The following FHOD3 variants were observed in gnomAD, a reference collection of about 807,000 sequenced individuals.
FHOD3 encodes the protein FH1/FH2 domain-containing protein 3.
In FHOD3, 90 loss-of-function variants were observed where a neutral mutation model predicts 173.0. The observed-to-expected ratio is 0.52, with a 90% CI of 0.44 to 0.62. FHOD3 has a LOEUF of 0.62. Among genes scored for constraint, FHOD3 ranks in the 20% least tolerant of loss-of-function variants. The pLI, the probability that FHOD3 is intolerant of heterozygous loss-of-function variation, is 0.00. For synonymous variants in FHOD3, 828 were observed against 823.0 expected (o/e 1.01, Z -0.10); for missense variants, 1,945 against 2,034.7 (o/e 0.96, Z 0.85).
intron 3 of FHOD3, among the ~76,000 whole-genome samples, chr18:36,428,264 T>C (rs2050355608): frequency 6.6e-6 from 1 of 152,214 alleles, no homozygotes; most frequent in Non-Finnish European, 1.5e-5. Flanking sequence ...AGGAATCATA[T>C]TTATACTCTC....
intron 18 of FHOD3, among the ~76,000 whole-genome samples, chr18:36,714,409 G>A (rs527282074): frequency 3.9e-5 from 6 of 152,176 alleles, no homozygotes; most frequent in South Asian, 2.1e-4. Context: ...ATGGTGGCTC[G>A]CGCCTGTAGT....
chr18:36,442,420 T>A lies in FHOD3; in HGVS notation c.338-59512T>A, dbSNP rs577475330. ...GTATTTTCTCTGAGACTTAAAAAAA[T>A]TATTAAAAATACTGGCCTTTAAGAT... On this transcript the variant is annotated intron_variant, in intron 3 of 28. Coordinates refer to ENST00000590592, the MANE Select transcript of FHOD3 (RefSeq NM_001281740.3). 2.0e-4 allele frequency among the ~76,000 whole-genome samples: 30 copies of A among 152,306 alleles called. No homozygotes were observed. In the South Asian group the frequency reaches 5.6e-3, roughly 28 times the overall value.
chr18:36,474,113 CT>C (rs2053429623), intron 3 of FHOD3, among the ~76,000 whole-genome samples: 1 of 152,130 alleles, frequency 6.6e-6, no homozygotes, highest in Non-Finnish European at 1.5e-5. Flanking sequence ...AACAACATTC[CT>C]TCTACTACTT....
At chr18:36,482,858 C>CACACACACAGAGAGAGAGAGAGAGAG (rs1400178557) in intron 3 of FHOD3, among the ~76,000 whole-genome samples, 1 of 130,374 alleles carries the variant, frequency 7.7e-6, no homozygotes, top group African/African-American at 3.1e-5. Flanking sequence ...CACACACACA[C>CACACACACAGAGAGAGAGAGAGAGAG]AGAGAGAGAG....
intron 2 of FHOD3, among the ~76,000 whole-genome samples, chr18:36,365,832 C>T (rs1193921585): frequency 2.6e-5 from 4 of 152,142 alleles, no homozygotes; most frequent in African/African-American, 2.4e-5. Flanking sequence ...AAAGTTCATT[C>T]CGTCTGCCTC....
chr18:36,347,784 TG>T (rs2045940723), intron 1 of FHOD3, among the ~76,000 whole-genome samples: 1 of 152,254 alleles, frequency 6.6e-6, no homozygotes. Context: ...TCATGTGAAT[TG>T]ATTTCATGTA....
rs1394320218 is a variant in FHOD3, at chr18:36,512,537, T to A, written c.505T>A (p.Leu169Ile). 6.2e-7 allele frequency: 1 copy of A among 1,612,782 alleles called. No homozygotes were observed. Among genetic ancestry groups the A allele is most frequent in the Non-Finnish European group, 8.5e-7 (1 of 1,179,046 alleles). ...EADQNYQNYILRALGQIMLYV... is the reference protein window; with the variant it reads ...EADQNYQNYIIRALGQIMLYV... ...TGATCAGAACTATCAGAACTACATC[T>A]TAAGGGGTAAGTCATGACTGGGCAT... is the stretch of plus-strand genomic sequence containing the variant. The change falls in exon 5 of 29, where the codon TTA (leucine) becomes ATA (isoleucine). Residue 169 changes from leucine to isoleucine, a missense_variant. Coordinates refer to ENST00000590592, the MANE Select transcript of FHOD3 (RefSeq NM_001281740.3).
intron 17 of FHOD3, among the ~76,000 whole-genome samples, chr18:36,707,942 G>A (rs1052062783): frequency 2.6e-5 from 4 of 152,150 alleles, no homozygotes; most frequent in African/African-American, 9.7e-5. Flanking sequence ...TCAGCCTGAG[G>A]GCAGTTCCCT....
chr18:36,434,515 A>C (rs560801158), intron 3 of FHOD3, among the ~76,000 whole-genome samples: 1 of 152,316 alleles, frequency 6.6e-6, no homozygotes, highest in Non-Finnish European at 1.5e-5. Context: ...TTCTTTGTCA[A>C]AATTATTTTG....
chr18:36,589,398 A>G (rs74867811), intron 6 of FHOD3, among the ~76,000 whole-genome samples: 1 of 152,312 alleles, frequency 6.6e-6, no homozygotes, highest in East Asian at 1.9e-4. Flanking sequence ...TCTCCAGCCC[A>G]AAGAAAGTGA....
chr18:36,459,385 C>A (rs2052418125), intron 3 of FHOD3, among the ~76,000 whole-genome samples: 1 of 152,204 alleles, frequency 6.6e-6, no homozygotes, highest in Non-Finnish European at 1.5e-5. Context: ...AGAGAGTGAT[C>A]AATCAAACCC....
At chr18:36,623,623 G>A (rs961697116) in intron 9 of FHOD3, among the ~76,000 whole-genome samples, 1 of 152,198 alleles carries the variant, frequency 6.6e-6, no homozygotes, top group Non-Finnish European at 1.5e-5. Flanking sequence ...TAAAGATAGA[G>A]CTTTTATCAA....
At chr18:36,752,411 G>A (rs984689551) in intron 24 of FHOD3, among the ~76,000 whole-genome samples, 6 of 152,194 alleles carry the variant, frequency 3.9e-5, no homozygotes, top group South Asian at 4.1e-4. Flanking sequence ...ACAGTGGCAG[G>A]CTTGAGTAAG....
At chr18:36,751,867 A>G (rs2042416073) in intron 24 of FHOD3, among the ~76,000 whole-genome samples, 1 of 152,208 alleles carries the variant, frequency 6.6e-6, no homozygotes, top group Non-Finnish European at 1.5e-5. Flanking sequence ...TGAAAGGCAC[A>G]GAGAGGGACT....
Position 36,500,494 on chromosome 18 carries a change from G to A in FHOD3, c.338-1438G>A, listed in dbSNP as rs76275057. On this transcript the variant is annotated intron_variant, in intron 3 of 28. Transcript: ENST00000590592. Reference sequence around the variant, plus strand: ...TTAGGCTAGAATTGAAGCCCGAGGTGGTTGGCCAATGACGTGACATTGTTT... The same window carrying A: ...TTAGGCTAGAATTGAAGCCCGAGGTAGTTGGCCAATGACGTGACATTGTTT... 7.8e-3 allele frequency among the ~76,000 whole-genome samples: 1,181 copies of A among 152,242 alleles called. 16 individuals are homozygous for A. Among genetic ancestry groups the A allele is most frequent in the African/African-American group, 0.027 (1,126 of 41,544 alleles).
intron 17 of FHOD3, among the ~76,000 whole-genome samples, chr18:36,704,625 T>TG (rs2039768678): frequency 6.6e-6 from 1 of 152,200 alleles, no homozygotes; most frequent in African/African-American, 2.4e-5. Context: ...CATTACATGC[T>TG]GGGGAAGGGA....
intron 5 of FHOD3, among the ~76,000 whole-genome samples, chr18:36,569,817 T>G (rs2058392232): frequency 1.3e-5 from 2 of 152,124 alleles, no homozygotes; most frequent in African/African-American, 4.8e-5. Flanking sequence ...AACACACTTC[T>G]AAATAATCCA....
chr18:36,509,873 C>T (rs765524158), intron 4 of FHOD3, among the ~76,000 whole-genome samples: 1 of 152,172 alleles, frequency 6.6e-6, no homozygotes, highest in African/African-American at 2.4e-5. Context: ...CTCGTTGGCA[C>T]CATGTAGGCA....
At chr18:36,443,994 AG>A (rs2051310168) in intron 3 of FHOD3, among the ~76,000 whole-genome samples, 1 of 152,124 alleles carries the variant, frequency 6.6e-6, no homozygotes, top group Non-Finnish European at 1.5e-5. Context: ...TCACGAGGTC[AG>A]GAGATTGAGA....
Sources: allele counts gnomAD v4.1 joint callset (sites outside exome capture counted in the v4.1 genomes callset), GRCh38; gene constraint gnomAD v4.1.1; transcripts MANE v1.5; gene names NCBI Gene and HGNC (gene_info 2026-07-23, HGNC 2026-07-21).